Variants in PPTC7 observed in about 807,000 individuals in gnomAD.
The protein encoded by PPTC7 is protein phosphatase targeting COQ7, also known as protein phosphatase PTC7 homolog.
Under a neutral mutation model 30.8 loss-of-function variants are expected in PPTC7, and 6 were observed. That is an observed-to-expected ratio of 0.19 (90% CI 0.11 to 0.38). PPTC7 has a LOEUF of 0.38. Ranked by LOEUF, PPTC7 falls within the 10% of genes least tolerant of loss-of-function variation. The probability of loss-of-function intolerance (pLI) is 1.00; values close to 1 mark genes in which losing one functional copy is unlikely to be tolerated. For missense variants in PPTC7, 218 were observed against 404.8 expected, an observed-to-expected ratio of 0.54 and a Z score of 3.96; for synonymous variants, 163 against 168.1, an observed-to-expected ratio of 0.97 and a Z score of 0.23.
At chr12:110,539,801 G>C (rs779847048) in intron 4 of PPTC7, 21 bp downstream of exon 4, 2 of 1,612,158 alleles carry the variant, frequency 1.2e-6, no homozygotes, top group Non-Finnish European at 8.5e-7. Context: ...TTTCCCAAGA[G>C]CTAACCTTTG....
intron 1 of PPTC7, 59 bp downstream of exon 1, chr12:110,582,750 G>A: frequency 7.2e-7 from 1 of 1,393,962 alleles, no homozygotes; most frequent in Admixed American, 2.2e-5. Flanking sequence ...AGCCCCGCGC[G>A]GGGAGTCCCC....
intron 1 of PPTC7, among the ~76,000 whole-genome samples, chr12:110,564,877 T>TACACGTTATATA (rs1288351192): frequency 4.0e-5 from 6 of 149,478 alleles, no homozygotes; most frequent in East Asian, 3.9e-4. Context: ...TATATATACA[T>TACACGTTATATA]TGTTTTTTTT....
At chr12:110,552,552 G>A (rs1158794861) in intron 1 of PPTC7, among the ~76,000 whole-genome samples, 2 of 152,222 alleles carry the variant, frequency 1.3e-5, no homozygotes, top group Non-Finnish European at 2.9e-5. Context: ...AGCCCAACTT[G>A]AGACATGCTC....
At chr12:110,577,380 T>A (rs1315073741) in intron 1 of PPTC7, among the ~76,000 whole-genome samples, 2 of 151,876 alleles carry the variant, frequency 1.3e-5, no homozygotes, top group Non-Finnish European at 2.9e-5. Context: ...TGAGGAAAAT[T>A]CCAACAAGGA....
chr12:110,571,864 TA>T (rs1217199613), intron 1 of PPTC7, among the ~76,000 whole-genome samples: 4 of 152,210 alleles, frequency 2.6e-5, no homozygotes, highest in African/African-American at 9.6e-5. Context: ...AATGCATACA[TA>T]AGGCATCCTT....
At position 110,582,801 on chromosome 12, in the gene PPTC7, G is replaced by A; in HGVS notation, c.223+8C>T. 1 of 1,551,846 alleles carries A rather than the reference G, an allele frequency of 6.4e-7. No individual in the cohort carries two copies. Among genetic ancestry groups the A allele is most frequent in the Non-Finnish European group, 8.7e-7 (1 of 1,148,538 alleles). ...GGCTGGGGCAAGGGAACCGGGTCGG[G>A]GACTCACCGAGCACGTCCGCGGAAC... On this transcript the variant is annotated splice_region_variant and intron_variant, in intron 1 of 5. Transcript: ENST00000354300.
At chr12:110,540,352 C>T (rs1217013443) in intron 3 of PPTC7, among the ~76,000 whole-genome samples, 19 of 116,222 alleles carry the variant, frequency 1.6e-4, no homozygotes, top group African/African-American at 5.8e-4. Flanking sequence ...AGACAAGTCT[C>T]GCTCTGTTGT....
At chr12:110,578,255 C>T (rs964985028) in intron 1 of PPTC7, among the ~76,000 whole-genome samples, 6 of 152,182 alleles carry the variant, frequency 3.9e-5, no homozygotes, top group African/African-American at 1.4e-4. Context: ...GGTATTACAA[C>T]ATGCAGTTCT....
intron 1 of PPTC7, among the ~76,000 whole-genome samples, chr12:110,552,821 G>A (rs964914815): frequency 6.6e-6 from 1 of 152,162 alleles, no homozygotes; most frequent in African/African-American, 2.4e-5. Context: ...CCAAGATCGT[G>A]CCACTTCACT....
At chr12:110,550,082 T>A (rs1396170246) in intron 2 of PPTC7, among the ~76,000 whole-genome samples, 6 of 152,000 alleles carry the variant, frequency 3.9e-5, no homozygotes, top group Non-Finnish European at 8.8e-5. Context: ...CCTTTTCAGT[T>A]TGAAGGAAAA....
intron 1 of PPTC7, among the ~76,000 whole-genome samples, chr12:110,574,855 T>C (rs1180852087): frequency 2.6e-5 from 4 of 151,860 alleles, no homozygotes; most frequent in African/African-American, 9.7e-5. Flanking sequence ...CTCGGGTCAC[T>C]GCAACCTCTG....
At chr12:110,563,432 C>T (rs1237261284) in intron 1 of PPTC7, among the ~76,000 whole-genome samples, 2 of 152,142 alleles carry the variant, frequency 1.3e-5, no homozygotes, top group South Asian at 2.1e-4. Context: ...GCCTGGCCAA[C>T]ATGGTGAAAC....
intron 1 of PPTC7, among the ~76,000 whole-genome samples, chr12:110,552,737 G>C (rs531152886): frequency 6.6e-6 from 1 of 151,568 alleles, no homozygotes; most frequent in Non-Finnish European, 1.5e-5. Context: ...GGTGGCAGGC[G>C]CCTGTAGTCC....
chr12:110,546,061 T>C lies in PPTC7; in HGVS notation c.421A>G (p.Ile141Val). 6.2e-7 allele frequency: 1 copy of C among 1,613,860 alleles called. No individual in the cohort carries two copies. The highest frequency in any genetic ancestry group is 8.5e-7 in the Non-Finnish European group (1 of 1,179,832). ...VPLLGSSTAC[I>V]VVLDRTSHRL... Reference sequence around the variant, plus strand: ...TGGCTGGTTCTGTCCAGCACCACAATGCAGGCGGTGCTGCTACCTAGAAAC... The same window carrying C: ...TGGCTGGTTCTGTCCAGCACCACAACGCAGGCGGTGCTGCTACCTAGAAAC... Residue 141 changes from isoleucine (I) to valine (V), a missense_variant, in exon 3 of 6, where the codon ATT becomes GTT. By Grantham distance (29) the Ile-to-Val change is conservative. Coordinates refer to ENST00000354300, the MANE Select transcript of PPTC7 (RefSeq NM_139283.2).
chr12:110,579,020 A>G (rs2064613867), intron 1 of PPTC7, among the ~76,000 whole-genome samples: 1 of 152,206 alleles, frequency 6.6e-6, no homozygotes, highest in African/African-American at 2.4e-5. Flanking sequence ...GAGGTGGCAC[A>G]TGCCTGTAGT....
At chr12:110,560,217 T>C (rs534748634) in intron 1 of PPTC7, among the ~76,000 whole-genome samples, 7 of 151,958 alleles carry the variant, frequency 4.6e-5, no homozygotes, top group Admixed American at 6.6e-5. Flanking sequence ...CTAGGCAACA[T>C]AGCAAAACCC....
chr12:110,558,950 C>T (rs192947225), intron 1 of PPTC7, among the ~76,000 whole-genome samples: 5 of 152,196 alleles, frequency 3.3e-5, no homozygotes, highest in South Asian at 2.1e-4. Context: ...TGAAGCAAAA[C>T]GAGCAATTAG....
At chr12:110,556,955 C>A (rs2064393621) in intron 1 of PPTC7, among the ~76,000 whole-genome samples, 1 of 152,064 alleles carries the variant, frequency 6.6e-6, no homozygotes, top group Admixed American at 6.5e-5. Context: ...CAGGGGTCAG[C>A]CAGATTTCCA....
chr12:110,565,786 A>G (rs1324959267), intron 1 of PPTC7, among the ~76,000 whole-genome samples: 1 of 152,218 alleles, frequency 6.6e-6, no homozygotes, highest in Non-Finnish European at 1.5e-5. Context: ...TGAAGTGATG[A>G]TTTTGGTTGG....
Sources: gnomAD v4.1 joint callset for allele counts (sites outside exome capture counted in the v4.1 genomes callset) on GRCh38, gnomAD v4.1.1 for gene constraint, MANE v1.5 for transcripts, NCBI Gene and HGNC (gene_info 2026-07-23, HGNC 2026-07-21) for gene names.